NCKAP5: variants seen among roughly 807,000 people sequenced by gnomAD.
NCKAP5 encodes the protein NCK associated protein 5.
In NCKAP5, 92 loss-of-function variants were observed where a neutral mutation model predicts 167.0. The ratio of observed to expected loss-of-function variants is 0.55; its 90% CI spans 0.47 to 0.66. The LOEUF (loss-of-function observed/expected upper bound fraction) is 0.66, where lower values mean the gene tolerates loss of function less well. Ranked by LOEUF, NCKAP5 falls within the 30% of genes least tolerant of loss-of-function variation. The probability of loss-of-function intolerance (pLI) is 0.00; values close to 1 mark genes in which losing one functional copy is unlikely to be tolerated. For missense variants in NCKAP5, 2,378 were observed against 2,315.0 expected (o/e 1.03, Z -0.56); for synonymous variants, 891 against 877.4 (o/e 1.02, Z -0.27).
At chr2:133,378,992 A>G (rs1378981390) in intron 3 of NCKAP5, among the ~76,000 whole-genome samples, 1 of 152,234 alleles carries the variant, frequency 6.6e-6, no homozygotes, top group African/African-American at 2.4e-5. Context: ...CTTATGCCAC[A>G]GAAGAATAAA....
At chr2:133,561,457 T>G (rs573869968) in intron 1 of NCKAP5, among the ~76,000 whole-genome samples, 53 of 152,366 alleles carry the variant, frequency 3.5e-4, no homozygotes, top group African/African-American at 1.3e-3. Context: ...TAACATTACA[T>G]GAGGTATCAT....
chr2:132,909,873 T>G (rs1694307689), intron 8 of NCKAP5, among the ~76,000 whole-genome samples: 1 of 152,196 alleles, frequency 6.6e-6, no homozygotes, highest in Non-Finnish European at 1.5e-5. Flanking sequence ...AGTAGCAAGC[T>G]CTTAAAAAGT....
rs564415643 is a variant in NCKAP5, at chr2:133,469,787, T to C, written c.69+47671A>G. Among the ~76,000 whole-genome samples the C allele has an allele frequency of 3.9e-3, 595 of 151,994 alleles. 2 individuals carry two copies. The highest frequency in any genetic ancestry group is 7.6e-3 in the Admixed American group (116 of 15,266). ...CATCTTCCATTGCTGATACCCTTTC[T>C]TCCAGTTGATCGCATCGGCTCCTGA... On this transcript the variant is annotated intron_variant, in intron 3 of 19. Transcript: ENST00000409261.
At chr2:133,087,270 C>T (rs1414357430) in intron 6 of NCKAP5, among the ~76,000 whole-genome samples, 1 of 152,138 alleles carries the variant, frequency 6.6e-6, no homozygotes, top group Non-Finnish European at 1.5e-5. Flanking sequence ...CATTCTATAG[C>T]TAAACTAAAT....
chr2:133,154,514 C>T (rs1251086606), intron 5 of NCKAP5, among the ~76,000 whole-genome samples: 1 of 152,234 alleles, frequency 6.6e-6, no homozygotes. Flanking sequence ...AGTAAAGTCA[C>T]TTCTGCAAGG....
intron 5 of NCKAP5, among the ~76,000 whole-genome samples, chr2:133,153,685 C>T (rs2083460607): frequency 2.0e-5 from 3 of 152,036 alleles, no homozygotes; most frequent in Admixed American, 2.0e-4. Flanking sequence ...CCTGTGTCCA[C>T]TGTGCTTCTG....
chr2:133,362,416 A>T (rs1685172530), intron 3 of NCKAP5, among the ~76,000 whole-genome samples: 1 of 152,304 alleles, frequency 6.6e-6, no homozygotes, highest in East Asian at 1.9e-4. Context: ...AATCATGATG[A>T]GTCAGAGGGG....
intron 3 of NCKAP5, among the ~76,000 whole-genome samples, chr2:133,511,762 A>G (rs1166533105): frequency 6.6e-6 from 1 of 152,238 alleles, no homozygotes; most frequent in African/African-American, 2.4e-5. Context: ...AGGAAAAGAA[A>G]AACTCCCTCT....
chr2:132,946,860 C>G (rs6430379), intron 8 of NCKAP5, among the ~76,000 whole-genome samples: 2 of 152,026 alleles, frequency 1.3e-5, no homozygotes, highest in Non-Finnish European at 2.9e-5. Context: ...ATGGCGCCAC[C>G]GCACTCCAGC....
intron 16 of NCKAP5, among the ~76,000 whole-genome samples, chr2:132,757,221 G>C (rs984621108): frequency 6.6e-6 from 1 of 152,146 alleles, no homozygotes; most frequent in African/African-American, 2.4e-5. Context: ...CTGTACCAGC[G>C]ATAAGATGAT....
At chr2:132,823,939 G>T (rs965454748) in intron 11 of NCKAP5, among the ~76,000 whole-genome samples, 1 of 152,102 alleles carries the variant, frequency 6.6e-6, no homozygotes, top group African/African-American at 2.4e-5. Flanking sequence ...AAAGACAAAA[G>T]AGGGACATTA....
At chr2:132,751,016 C>T (rs1046417541) in intron 16 of NCKAP5, among the ~76,000 whole-genome samples, 4 of 152,148 alleles carry the variant, frequency 2.6e-5, no homozygotes, top group African/African-American at 9.7e-5. Flanking sequence ...AGAAACTTCA[C>T]TCTGAAAGAC....
intron 8 of NCKAP5, among the ~76,000 whole-genome samples, chr2:132,938,256 G>A (rs1697005718): frequency 6.6e-6 from 1 of 152,132 alleles, no homozygotes; most frequent in South Asian, 2.1e-4. Flanking sequence ...GGCATTTCAG[G>A]AATCAGAGGA....
chr2:133,587,448 C>T, the NCKAP5 span, among the ~76,000 whole-genome samples: 3 of 152,084 alleles, frequency 2.0e-5, no homozygotes, highest in South Asian at 6.2e-4. Context: ...GAGGTGACAT[C>T]GGAATGGAAA....
intron 9 of NCKAP5, among the ~76,000 whole-genome samples, chr2:132,871,136 A>T (rs2148771281): frequency 6.6e-6 from 1 of 152,318 alleles, no homozygotes; most frequent in Middle Eastern, 3.4e-3. Context: ...AACTGAGGCC[A>T]TATGTTCCTT....
At chr2:133,541,022 AG>A (rs1323941553) in intron 2 of NCKAP5, among the ~76,000 whole-genome samples, 1 of 150,860 alleles carries the variant, frequency 6.6e-6, no homozygotes, top group Non-Finnish European at 1.5e-5. Flanking sequence ...TTATTTTTAA[AG>A]GGTATAAAGA....
chr2:133,656,251 G>A, the NCKAP5 span, among the ~76,000 whole-genome samples: 1 of 148,258 alleles, frequency 6.7e-6, no homozygotes, highest in African/African-American at 2.5e-5. Context: ...AAAATGCCTC[G>A]TGGAAAAACA....
chr2:133,464,448 T>G (rs199840246), intron 3 of NCKAP5, among the ~76,000 whole-genome samples: 4 of 152,100 alleles, frequency 2.6e-5, no homozygotes, highest in African/African-American at 7.2e-5. Flanking sequence ...CCCAGCCCTT[T>G]GGGGGCCAAG....
At chr2:133,274,301 C>CA (rs1039906753) in intron 4 of NCKAP5, among the ~76,000 whole-genome samples, 2 of 150,276 alleles carry the variant, frequency 1.3e-5, no homozygotes, top group Admixed American at 6.6e-5. Flanking sequence ...ATAGTAAGAA[C>CA]AAAAAAAAAT....
Sources: allele counts gnomAD v4.1 joint callset (sites outside exome capture counted in the v4.1 genomes callset), GRCh38; gene constraint gnomAD v4.1.1; transcripts MANE v1.5; gene names NCBI Gene and HGNC (gene_info 2026-07-23, HGNC 2026-07-21).